Variants in WASHC2A observed in about 807,000 individuals in gnomAD.
WASHC2A encodes WASH complex subunit FAM21A.
WASHC2A carries 82 observed loss-of-function variants against 140.3 expected under a neutral mutation model. The observed-to-expected ratio is 0.58, with a 90% CI of 0.49 to 0.70. The LOEUF (loss-of-function observed/expected upper bound fraction) is 0.70. Among genes scored for constraint, WASHC2A ranks in the 30% least tolerant of loss-of-function variants. WASHC2A has a pLI of 0.00. For synonymous variants in WASHC2A, 340 were observed against 560.8 expected (o/e 0.61, Z 5.56); for missense variants, 985 against 1,521.8 (o/e 0.65, Z 5.87).
intron 26 of WASHC2A, among the ~76,000 whole-genome samples, chr10:50,126,723 C>T (rs1435935610): frequency 6.6e-6 from 1 of 151,660 alleles, no homozygotes; most frequent in Non-Finnish European, 1.5e-5. Context: ...AGCCGTAAAC[C>T]TGAGGCACTT....
rs782391301 is a variant in WASHC2A, at chr10:50,099,958, C to G, written c.1549-20C>G. ...TTTTTCTTTTTTTCTTCCCCACCCCCCCCCCCACCCCCGACAAAGGTTACC... is the reference window on the plus strand; with the variant it reads ...TTTTTCTTTTTTTCTTCCCCACCCCGCCCCCCACCCCCGACAAAGGTTACC... On this transcript the variant is annotated intron_variant, in intron 16 of 30. Coordinates refer to ENST00000282633, the MANE Select transcript of WASHC2A (RefSeq NM_001005751.3). 88 of 1,057,664 alleles carry G rather than the reference C, an allele frequency of 8.3e-5. No individual in the cohort carries two copies. In the East Asian group the frequency reaches 3.1e-3, roughly 38 times the overall value. The allele number at this position is 1,057,664 out of a possible 1,614,324, so 65.5% of individuals were successfully genotyped here.
intron 3 of WASHC2A, among the ~76,000 whole-genome samples, chr10:50,072,400 T>G (rs1315667155): frequency 6.6e-6 from 1 of 151,666 alleles, no homozygotes; most frequent in East Asian, 1.9e-4. Flanking sequence ...TGGCAAAGCA[T>G]GATAATACTG....
intron 3 of WASHC2A, 142 bp downstream of exon 3, chr10:50,069,853 A>G: frequency 1.9e-6 from 2 of 1,032,372 alleles, no homozygotes; most frequent in Non-Finnish European, 1.3e-6. Context: ...TGGGATTAAT[A>G]CCTCTTTTTT....
At chr10:50,094,610 G>A (rs1288160426) in intron 13 of WASHC2A, among the ~76,000 whole-genome samples, 29 of 152,080 alleles carry the variant, frequency 1.9e-4, no homozygotes, top group African/African-American at 6.0e-4. Flanking sequence ...ATCAGAGCTG[G>A]GCCTTGGAGG....
chr10:50,114,379 G>A (rs1842520018), intron 21 of WASHC2A, among the ~76,000 whole-genome samples: 1 of 92,390 alleles, frequency 1.1e-5, no homozygotes. Flanking sequence ...ATTCTCACAT[G>A]TGCTACAAAA....
In WASHC2A at chr10:50,129,993, C is replaced by T. The variant is rs1187147700; in HGVS notation, c.3662C>T (p.Ser1221Phe). The T allele has an allele frequency of 2.0e-5, 33 of 1,611,808 alleles. No homozygotes were observed. Among genetic ancestry groups the T allele is most frequent in the Non-Finnish European group, 2.4e-5 (28 of 1,179,848 alleles). Residue 1221 changes from serine (S) to phenylalanine (F), a missense_variant, in exon 29 of 31, where the codon TCC becomes TTC. Ser to Phe is a radical substitution (Grantham distance 155, BLOSUM62 -2). Transcript: ENST00000282633. Reference sequence around the variant, plus strand: ...AAAGTCAAGAAGAATGAGACAAAATCCAATAGTCAGCAGGATGTCATATTA... The same window carrying T: ...AAAGTCAAGAAGAATGAGACAAAATTCAATAGTCAGCAGGATGTCATATTA... ...DQKVKKNETK[S>F]NSQQDVILTT...
chr10:50,088,098 C>T (rs1484958172), intron 8 of WASHC2A, among the ~76,000 whole-genome samples: 1 of 151,716 alleles, frequency 6.6e-6, no homozygotes, highest in Non-Finnish European at 1.5e-5. Flanking sequence ...GGATTACAGG[C>T]GTGAGCCACC....
At position 50,069,051 on chromosome 10, in the gene WASHC2A, A is replaced by G. The variant is rs1837555650; in HGVS notation, c.127-496A>G. Among the ~76,000 whole-genome samples the G allele has an allele frequency of 2.7e-5, 4 of 150,386 alleles. No homozygotes were observed. In the South Asian group the frequency reaches 6.3e-4, roughly 24 times the overall value. On this transcript the variant is annotated intron_variant, in intron 2 of 30. Coordinates refer to ENST00000282633, the MANE Select transcript of WASHC2A (RefSeq NM_001005751.3). The stretch of plus-strand genomic sequence containing the variant: ...GATTTTAAATTTTTCCAGAAACGAG[A>G]TAGGTGTCCATTAGCTCACTGCCAC...
intron 13 of WASHC2A, 31 bp from the exon 14 acceptor site, chr10:50,095,117 A>G (rs782416055): frequency 8.3e-5 from 129 of 1,557,666 alleles, no homozygotes; most frequent in Non-Finnish European, 1.1e-4. Flanking sequence ...TTTCCCTTGT[A>G]AAATGGTTAC....
At chr10:50,102,652 G>C (rs1291296089) in intron 17 of WASHC2A, among the ~76,000 whole-genome samples, 3 of 131,912 alleles carry the variant, frequency 2.3e-5, no homozygotes, top group Non-Finnish European at 4.7e-5. Context: ...AGTAGACAGC[G>C]ACCCCATAAT....
chr10:50,095,816 G>A, intron 15 of WASHC2A, 38 bp downstream of exon 15: 1 of 1,567,446 alleles, frequency 6.4e-7, no homozygotes. Context: ...ACTTCAGCCA[G>A]AAAAAGAACG....
At chr10:50,075,054 ATGTG>A (rs142470094) in intron 3 of WASHC2A, among the ~76,000 whole-genome samples, 3 of 150,890 alleles carry the variant, frequency 2.0e-5, no homozygotes, top group South Asian at 4.2e-4. Flanking sequence ...AGATGACGGT[ATGTG>A]TGTGTGTGTG....
chr10:50,086,717 T>C (rs1229045830), intron 7 of WASHC2A, among the ~76,000 whole-genome samples: 1 of 129,882 alleles, frequency 7.7e-6, no homozygotes, highest in Non-Finnish European at 1.6e-5. Context: ...GTTCTTGCGA[T>C]AGTTTACTGA....
chr10:50,099,615 T>C (rs1704706369), intron 16 of WASHC2A, among the ~76,000 whole-genome samples: 2 of 141,718 alleles, frequency 1.4e-5, no homozygotes, highest in Admixed American at 1.4e-4. Context: ...TTTTGTCTCT[T>C]TGTGTCGTGT....
rs543782780 is a variant in WASHC2A at position 50,130,055 on chromosome 10, A to T, written c.3708+16A>T. The T allele has an allele frequency of 6.2e-7, 1 of 1,611,688 alleles. No homozygotes were observed. The highest frequency in any genetic ancestry group is 8.5e-7 in the Non-Finnish European group (1 of 1,179,750). Reference sequence around the variant, plus strand: ...TATTTTTGAGGTAATAGGACTTAACACGTTTTTGTGTCTGTTCTAAGTTAA... The same window carrying T: ...TATTTTTGAGGTAATAGGACTTAACTCGTTTTTGTGTCTGTTCTAAGTTAA... On this transcript the variant is annotated intron_variant, in intron 29 of 30. Transcript: ENST00000282633.
At chr10:50,075,661 G>T (rs1290165123) in intron 3 of WASHC2A, among the ~76,000 whole-genome samples, 1 of 148,902 alleles carries the variant, frequency 6.7e-6, no homozygotes, top group Admixed American at 6.7e-5. Context: ...TTTCTTCATT[G>T]ACTATTATGT....
chr10:50,077,131 A>G (rs1203437053), intron 3 of WASHC2A, among the ~76,000 whole-genome samples: 8 of 147,404 alleles, frequency 5.4e-5, no homozygotes, highest in Non-Finnish European at 7.5e-5. Flanking sequence ...AAAAAAAAAA[A>G]GGGCAAAAAC....
intron 6 of WASHC2A, among the ~76,000 whole-genome samples, chr10:50,084,770 T>C (rs1346441919): frequency 6.9e-6 from 1 of 144,872 alleles, no homozygotes; most frequent in Admixed American, 7.0e-5. Context: ...AGTTTCTCTC[T>C]GGTCACCCAG....
At chr10:50,088,573 A>G (rs1214506583) in intron 8 of WASHC2A, among the ~76,000 whole-genome samples, 1 of 149,482 alleles carries the variant, frequency 6.7e-6, no homozygotes, top group East Asian at 2.0e-4. Context: ...ATTTTCATAT[A>G]TAGAAATCCT....
Sources: gnomAD v4.1 joint callset for allele counts (sites outside exome capture counted in the v4.1 genomes callset) on GRCh38, gnomAD v4.1.1 for gene constraint, MANE v1.5 for transcripts, NCBI Gene and HGNC (gene_info 2026-07-23, HGNC 2026-07-21) for gene names.